Variants in AGAP1 observed in about 807,000 individuals in gnomAD.
AGAP1 encodes ArfGAP with GTPase domain, ankyrin repeat and PH domain 1.
AGAP1 carries 29 observed loss-of-function variants against 105.3 expected under a neutral mutation model. The ratio of observed to expected loss-of-function variants is 0.28; its 90% CI spans 0.21 to 0.38. The LOEUF (loss-of-function observed/expected upper bound fraction) is 0.38, where lower values mean the gene tolerates loss of function less well. AGAP1 is among the 10% of genes least tolerant of loss of function. AGAP1 has a pLI of 1.00. For synonymous variants in AGAP1, 509 were observed against 485.9 expected, an observed-to-expected ratio of 1.05 and a Z score of -0.63; for missense variants, 998 against 1,165.1, an observed-to-expected ratio of 0.86 and a Z score of 2.09.
intron 13 of AGAP1, among the ~76,000 whole-genome samples, chr2:236,030,318 A>G (rs1443458005): frequency 3.3e-5 from 5 of 152,336 alleles, no homozygotes; most frequent in Non-Finnish European, 5.9e-5. Flanking sequence ...CCCAGCCTGT[A>G]TCAGTAATAC....
rs370502895 is a variant in AGAP1 at position 236,066,259 on chromosome 2, A to G, written c.2114+16978A>G. On this transcript the variant is annotated intron_variant, in intron 16 of 17. Coordinates refer to ENST00000304032, the MANE Select transcript of AGAP1 (RefSeq NM_001037131.3). ...TTTTTGTTTTTTGAGACAGAGTCTC[A>G]CTCTGTCGCCCTAGCTGGTGCAGTG... 1.6e-4 allele frequency among the ~76,000 whole-genome samples: 24 copies of G among 152,104 alleles called. No individual in the cohort carries two copies. The South Asian group carries it at 4.6e-3, about 29-fold the overall frequency.
At position 235,842,393 on chromosome 2, in the gene AGAP1, G is replaced by A. The variant is rs951471684; in HGVS notation, c.1050+35062G>A. ...TCAAAATCACAGACATGTTCACAGC[G>A]CATTGCCGTTGTCCCAGATAATTGA... On this transcript the variant is annotated intron_variant, in intron 9 of 17. Transcript: ENST00000304032. The surrounding 1 kb of genome is among the most constrained non-coding windows in gnomAD (Gnocchi z 5.3). Among the ~76,000 whole-genome samples, 4 of 152,184 alleles carry A rather than the reference G, an allele frequency of 2.6e-5. No individual in the cohort carries two copies. The highest frequency in any genetic ancestry group is 4.8e-5 in the African/African-American group (2 of 41,426).
At chr2:235,954,836 T>G (rs545693901) in intron 12 of AGAP1, among the ~76,000 whole-genome samples, 1 of 152,228 alleles carries the variant, frequency 6.6e-6, no homozygotes, top group South Asian at 2.1e-4. Flanking sequence ...TATTTACTGC[T>G]ATTATCGCAG....
rs188361326 is a variant in AGAP1, at chr2:235,717,543, C to T, written c.223-14C>T. 1,639 of 1,583,432 alleles carry T rather than the reference C, an allele frequency of 1.0e-3. 22 individuals carry two copies. In the Admixed American group the frequency reaches 0.03, roughly 29 times the overall value. On this transcript the variant is annotated splice_polypyrimidine_tract_variant and intron_variant, in intron 2 of 17. Coordinates refer to ENST00000304032, the MANE Select transcript of AGAP1 (RefSeq NM_001037131.3). ...GATTTGATGATGCTTAACGGTTGTC[C>T]GTTTCTGTTTCAGGGAATTGTGGGT...
rs1224891907 is a variant in AGAP1 at position 236,068,610 on chromosome 2, C to T, written c.2114+19329C>T. ...GGTCAGGAGATCGAGACCATCCTGG[C>T]TAACACGGTGAAACCCCGTCTCTAC... On this transcript the variant is annotated intron_variant, in intron 16 of 17. Coordinates refer to ENST00000304032, the MANE Select transcript of AGAP1 (RefSeq NM_001037131.3). 5.5e-4 allele frequency among the ~76,000 whole-genome samples: 77 copies of T among 141,072 alleles called. No individual in the cohort carries two copies. The Middle Eastern group carries it at 0.014, about 25-fold the overall frequency. 92.5% of individuals were successfully genotyped at this position (141,072 alleles called of 152,430 possible).
intron 1 of AGAP1, chr2:235,670,391 C>T (rs1431509302): frequency 1.8e-6 from 1 of 565,066 alleles, no homozygotes; most frequent in Non-Finnish European, 3.2e-6. Context: ...CTTCCGCACC[C>T]GCAGCACCGG....
Position 235,705,185 on chromosome 2 carries a change from G to A in AGAP1, c.164-3994G>A, listed in dbSNP as rs902089128. ...GTAGAGACGAGGTTTCGCCATGTTG[G>A]CCAGGCTGGTCTTGAACTCCTGACC... On this transcript the variant is annotated intron_variant, in intron 1 of 17. Coordinates refer to ENST00000304032, the MANE Select transcript of AGAP1 (RefSeq NM_001037131.3). The surrounding 1 kb of genome is among the most constrained non-coding windows in gnomAD (Gnocchi z 4.9). Among the ~76,000 whole-genome samples, 1 of 151,760 alleles carries A rather than the reference G, an allele frequency of 6.6e-6. No homozygotes were observed. Among genetic ancestry groups the A allele is most frequent in the Non-Finnish European group, 1.5e-5 (1 of 67,940 alleles).
At chr2:235,699,619 C>A (rs999482340) in intron 1 of AGAP1, among the ~76,000 whole-genome samples, 2 of 152,208 alleles carry the variant, frequency 1.3e-5, no homozygotes, top group Non-Finnish European at 2.9e-5. Context: ...AAATTGCATT[C>A]CATGCCCAAA....
chr2:235,883,258 A>T lies in AGAP1; in HGVS notation c.1051-87A>T, dbSNP rs1362706698. On this transcript the variant is annotated intron_variant, in intron 9 of 17. Transcript: ENST00000304032. The surrounding 1 kb of genome is among the most constrained non-coding windows in gnomAD (Gnocchi z 4.5). ...AGAGTGAAGTTCTGCACACACACAG[A>T]ACTTGAATGTATATGTTGCCTGTGT... The T allele has an allele frequency of 9.9e-6, 11 of 1,111,678 alleles. No homozygotes were observed. The highest frequency in any genetic ancestry group is 1.5e-5 in the Non-Finnish European group (11 of 741,600). The allele number at this position is 1,111,678 out of a possible 1,614,324, so 68.9% of individuals were successfully genotyped here.
At chr2:235,592,753 G>A (rs901123371) in intron 1 of AGAP1, among the ~76,000 whole-genome samples, 2 of 152,168 alleles carry the variant, frequency 1.3e-5, no homozygotes, top group Non-Finnish European at 2.9e-5. Context: ...ATCTGGCCGA[G>A]GTTGCTTGGG....
In AGAP1 at chr2:235,609,964, C is replaced by T. The variant is rs1033005282; in HGVS notation, c.164-99215C>T. 6.6e-6 allele frequency among the ~76,000 whole-genome samples: 1 copy of T among 152,076 alleles called. No homozygotes were observed. Among genetic ancestry groups the T allele is most frequent in the Non-Finnish European group, 1.5e-5 (1 of 68,004 alleles). ...ACCACCTGAGAATACCTGGTGTTTC[C>T]TTCCTCAGGGACGGTTTGGCACTGG... On this transcript the variant is annotated intron_variant, in intron 1 of 17. Transcript: ENST00000304032. This position sits in a 1 kb window ranked among gnomAD's most constrained non-coding sequence, Gnocchi z 5.1.
intron 12 of AGAP1, among the ~76,000 whole-genome samples, chr2:235,952,483 C>A (rs1388562581): frequency 6.6e-6 from 1 of 152,122 alleles, no homozygotes; most frequent in East Asian, 1.9e-4. Flanking sequence ...CCAGGCAGCT[C>A]ATGATGCAAA....
intron 1 of AGAP1, among the ~76,000 whole-genome samples, chr2:235,516,055 T>TCTTTTG (rs1942366911): frequency 7.2e-6 from 1 of 138,630 alleles, no homozygotes; most frequent in Admixed American, 7.1e-5. Context: ...CATGGGCTCC[T>TCTTTTG]CTGCTGCTGC....
rs932439014 is a variant in AGAP1, at chr2:236,058,151, T to G, written c.2114+8870T>G. Among the ~76,000 whole-genome samples, 2 of 152,184 alleles carry G rather than the reference T, an allele frequency of 1.3e-5. No individual in the cohort carries two copies. Among genetic ancestry groups the G allele is most frequent in the African/African-American group, 4.8e-5 (2 of 41,448 alleles). ...ACTCTCTAGGTAATTCTTATGCACA[T>G]TAAAGTTTGAGACACTCTGGTCTGC... On this transcript the variant is annotated intron_variant, in intron 16 of 17. Coordinates refer to ENST00000304032, the MANE Select transcript of AGAP1 (RefSeq NM_001037131.3). The surrounding 1 kb of genome is among the most constrained non-coding windows in gnomAD (Gnocchi z 4.6).
rs758487570 is a variant in AGAP1, at chr2:235,970,763, A to C, written c.1645+2140A>C. 1.3e-5 allele frequency among the ~76,000 whole-genome samples: 2 copies of C among 152,178 alleles called. No homozygotes were observed. Among genetic ancestry groups the C allele is most frequent in the Non-Finnish European group, 2.9e-5 (2 of 68,020 alleles). ...AGCAGCTGGCACCACCCAGTGTTCC[A>C]TTCAGCACCGGTGAGTTTGAAGGAA... On this transcript the variant is annotated intron_variant, in intron 13 of 17. Coordinates refer to ENST00000304032, the MANE Select transcript of AGAP1 (RefSeq NM_001037131.3). This position sits in a 1 kb window ranked among gnomAD's most constrained non-coding sequence, Gnocchi z 5.4.
At chr2:236,011,189 C>G (rs756245655) in intron 13 of AGAP1, among the ~76,000 whole-genome samples, 26 of 152,226 alleles carry the variant, frequency 1.7e-4, no homozygotes, top group Non-Finnish European at 3.8e-4. Context: ...TGTGTTTCAC[C>G]TGAGTTCACG....
In AGAP1 at chr2:235,705,751, C is replaced by T. The variant is rs1950504199; in HGVS notation, c.164-3428C>T. On this transcript the variant is annotated intron_variant, in intron 1 of 17. Coordinates refer to ENST00000304032, the MANE Select transcript of AGAP1 (RefSeq NM_001037131.3). This position sits in a 1 kb window ranked among gnomAD's most constrained non-coding sequence, Gnocchi z 4.9. ...TGAGTCAAGCATTTATTTTATTACT[C>T]TTATTGCCACAAACACAAATATGTT... Among the ~76,000 whole-genome samples the T allele has an allele frequency of 6.6e-6, 1 of 152,132 alleles. No homozygotes were observed. The highest frequency in any genetic ancestry group is 1.5e-5 in the Non-Finnish European group (1 of 68,028).
At chr2:235,634,385 A>G (rs756758366) in intron 1 of AGAP1, among the ~76,000 whole-genome samples, 2 of 152,208 alleles carry the variant, frequency 1.3e-5, no homozygotes, top group Admixed American at 6.5e-5. Context: ...TGTTTAAGCA[A>G]CAAAGAGCTG....
rs751587361 is a variant in AGAP1 at position 235,705,136 on chromosome 2, G to C, written c.164-4043G>C. On this transcript the variant is annotated intron_variant, in intron 1 of 17. Coordinates refer to ENST00000304032, the MANE Select transcript of AGAP1 (RefSeq NM_001037131.3). This position sits in a 1 kb window ranked among gnomAD's most constrained non-coding sequence, Gnocchi z 4.9. ...TGGGATTACAATCATGTGCCACCAC[G>C]CCTGGCTAATTTTTGTATTTTTAGT... Among the ~76,000 whole-genome samples, 1 of 151,938 alleles carries C rather than the reference G, an allele frequency of 6.6e-6. No homozygotes were observed. The highest frequency in any genetic ancestry group is 1.5e-5 in the Non-Finnish European group (1 of 68,002).
Sources: allele counts gnomAD v4.1 joint callset (sites outside exome capture counted in the v4.1 genomes callset), GRCh38; gene constraint gnomAD v4.1.1; non-coding constraint Gnocchi (gnomAD v3.1); transcripts MANE v1.5; gene names NCBI Gene and HGNC (gene_info 2026-07-23, HGNC 2026-07-21).